ZFYVE9: variants seen among roughly 807,000 people sequenced by gnomAD.
ZFYVE9 encodes zinc finger FYVE domain-containing protein 9.
Under a neutral mutation model 126.7 loss-of-function variants are expected in ZFYVE9, and 43 were observed. That is an observed-to-expected ratio of 0.34 (90% CI 0.27 to 0.44). ZFYVE9 has a LOEUF of 0.44. ZFYVE9 is among the 20% of genes least tolerant of loss of function. The pLI is 1.00. For missense variants in ZFYVE9, 1,476 were observed against 1,697.0 expected (o/e 0.87, Z 2.29); for synonymous variants, 521 against 597.4 (o/e 0.87, Z 1.87).
At chr1:52,319,329 T>C (rs1646216359) in intron 13 of ZFYVE9, among the ~76,000 whole-genome samples, 1 of 152,062 alleles carries the variant, frequency 6.6e-6, no homozygotes, top group South Asian at 2.1e-4. Flanking sequence ...TAGGCTTTTT[T>C]ATAAATAAAA....
chr1:52,233,175 A>C lies in ZFYVE9; in HGVS notation c.-32A>C, dbSNP rs1234104695. ...TAATACGCATTTACTTTTTAGGTTT[A>C]AACAAGTCTCTTAAGTGGTGTTTCC... On this transcript the variant is annotated 5_prime_UTR_variant, in exon 3 of 19. Coordinates refer to ENST00000287727, the MANE Select transcript of ZFYVE9 (RefSeq NM_004799.4). The C allele has an allele frequency of 6.7e-7, 1 of 1,491,400 alleles. No individual in the cohort carries two copies. The highest frequency in any genetic ancestry group is 9.0e-7 in the Non-Finnish European group (1 of 1,109,322). 92.4% of individuals were successfully genotyped at this position (1,491,400 alleles called of 1,614,324 possible).
intron 1 of ZFYVE9, among the ~76,000 whole-genome samples, chr1:52,212,961 G>C (rs1645041105): frequency 6.6e-6 from 1 of 152,132 alleles, no homozygotes; most frequent in Non-Finnish European, 1.5e-5. Context: ...CATGTATCTT[G>C]AACTGTATTG....
At chr1:52,162,665 G>C in intron 1 of ZFYVE9, 1 of 284,658 alleles carries the variant, frequency 3.5e-6, no homozygotes, top group East Asian at 8.4e-5. Context: ...ACACTCTAAG[G>C]CAAGTGTTGG....
chr1:52,304,011 ATAAT>A, intron 13 of ZFYVE9, 86 bp downstream of exon 13: 2 of 793,614 alleles, frequency 2.5e-6, no homozygotes, highest in Non-Finnish European at 3.7e-6. Flanking sequence ...AATTTTACTT[ATAAT>A]TAATTAACAA....
intron 13 of ZFYVE9, among the ~76,000 whole-genome samples, chr1:52,308,558 A>G (rs1003202271): frequency 6.6e-6 from 1 of 151,828 alleles, no homozygotes; most frequent in Non-Finnish European, 1.5e-5. Context: ...TTATACTCAT[A>G]GTCTTTCTTA....
At chr1:52,186,265 CA>C (rs1644764776) in intron 1 of ZFYVE9, among the ~76,000 whole-genome samples, 1 of 150,980 alleles carries the variant, frequency 6.6e-6, no homozygotes, top group South Asian at 2.1e-4. Context: ...AAACAAAACC[CA>C]AAAAACAACA....
intron 12 of ZFYVE9, among the ~76,000 whole-genome samples, chr1:52,298,529 G>T (rs1358155785): frequency 6.6e-6 from 1 of 152,142 alleles, no homozygotes; most frequent in Non-Finnish European, 1.5e-5. Context: ...CCACTACTAT[G>T]CTGTTTTGGT....
chr1:52,327,495 G>A (rs989883053), intron 13 of ZFYVE9, among the ~76,000 whole-genome samples: 3 of 151,860 alleles, frequency 2.0e-5, no homozygotes, highest in African/African-American at 4.8e-5. Context: ...CCAGCTACTC[G>A]GGAGGCTGAG....
intron 1 of ZFYVE9, among the ~76,000 whole-genome samples, chr1:52,190,689 A>G (rs1383656316): frequency 6.6e-6 from 1 of 152,204 alleles, no homozygotes; most frequent in Non-Finnish European, 1.5e-5. Context: ...GTCTGTGTGT[A>G]TGTGAGTCAC....
intron 7 of ZFYVE9, among the ~76,000 whole-genome samples, chr1:52,270,049 C>T (rs1017788590): frequency 6.6e-6 from 1 of 152,130 alleles, no homozygotes; most frequent in Non-Finnish European, 1.5e-5. Flanking sequence ...ACCATTTTGC[C>T]ACATTTGCTC....
chr1:52,248,713 T>C (rs1294825339), intron 4 of ZFYVE9, among the ~76,000 whole-genome samples: 1 of 152,246 alleles, frequency 6.6e-6, no homozygotes, highest in Non-Finnish European at 1.5e-5. Flanking sequence ...TTACCAATAA[T>C]GCTACTATGA....
chr1:52,165,106 TAAA>T (rs968178623), intron 1 of ZFYVE9, among the ~76,000 whole-genome samples: 1 of 151,112 alleles, frequency 6.6e-6, no homozygotes, highest in Non-Finnish European at 1.5e-5. Context: ...TTTACCACAA[TAAA>T]AAAAAATCCA....
At chr1:52,237,086 A>G (rs953220280) in intron 3 of ZFYVE9, among the ~76,000 whole-genome samples, 1 of 152,126 alleles carries the variant, frequency 6.6e-6, no homozygotes. Flanking sequence ...TTCAGTCTCT[A>G]CAGAAAACTT....
intron 2 of ZFYVE9, among the ~76,000 whole-genome samples, chr1:52,221,649 G>A (rs533244824): frequency 6.6e-6 from 1 of 152,078 alleles, no homozygotes; most frequent in Non-Finnish European, 1.5e-5. Flanking sequence ...CACGGGTTAC[G>A]GGGTCAAGGA....
intron 4 of ZFYVE9, among the ~76,000 whole-genome samples, chr1:52,257,136 A>G (rs1246031715): frequency 6.6e-6 from 1 of 152,240 alleles, no homozygotes; most frequent in Non-Finnish European, 1.5e-5. Context: ...CAGATTTAGC[A>G]ATAGGATTTG....
intron 1 of ZFYVE9, chr1:52,180,570 C>A: frequency 1.6e-6 from 1 of 631,718 alleles, no homozygotes; most frequent in Non-Finnish European, 2.8e-6. Context: ...CAGCTGCTAT[C>A]ACTTTCTTGT....
intron 9 of ZFYVE9, among the ~76,000 whole-genome samples, chr1:52,279,833 G>A (rs1645784609): frequency 3.9e-5 from 6 of 152,036 alleles, no homozygotes; most frequent in Admixed American, 3.9e-4. Flanking sequence ...CAATTTTAAA[G>A]GACAGAACCT....
intron 4 of ZFYVE9, among the ~76,000 whole-genome samples, chr1:52,260,706 A>T (rs1305107170): frequency 2.6e-5 from 4 of 152,140 alleles, no homozygotes. Context: ...AATCCCAGCT[A>T]CTTGGGAGGC....
chr1:52,170,345 G>A (rs759605195), intron 1 of ZFYVE9, among the ~76,000 whole-genome samples: 3 of 151,818 alleles, frequency 2.0e-5, no homozygotes, highest in Non-Finnish European at 4.4e-5. Context: ...TTTCGTTTGA[G>A]TCTTCTTTTT....
Sources: allele counts gnomAD v4.1 joint callset (sites outside exome capture counted in the v4.1 genomes callset), GRCh38; gene constraint gnomAD v4.1.1; transcripts MANE v1.5; gene names NCBI Gene and HGNC (gene_info 2026-07-23, HGNC 2026-07-21).